Variants in ENTREP2 observed in about 807,000 individuals in gnomAD.
The protein encoded by ENTREP2 is endosomal transmembrane epsin interactor 2, also known as protein ENTREP2.
the ENTREP2 span, among the ~76,000 whole-genome samples, chr15:29,657,789 C>T: frequency 1.3e-5 from 2 of 152,080 alleles, no homozygotes; most frequent in African/African-American, 4.8e-5. Flanking sequence ...CCAGGAAGTC[C>T]AACTGGCCTC....
chr15:29,235,548 A>G, the ENTREP2 span, among the ~76,000 whole-genome samples: 12 of 152,234 alleles, frequency 7.9e-5, no homozygotes, highest in Non-Finnish European at 1.8e-4. Context: ...GACACAAAAC[A>G]TATCAAAATA....
At chr15:29,433,749 C>T in the ENTREP2 span, among the ~76,000 whole-genome samples, 26 of 146,588 alleles carry the variant, frequency 1.8e-4, no homozygotes, top group African/African-American at 6.6e-4. Context: ...GTCTCAAGGT[C>T]TCTCAGACAC....
chr15:29,349,602 T>C, the ENTREP2 span, among the ~76,000 whole-genome samples: 1 of 152,164 alleles, frequency 6.6e-6, no homozygotes, highest in Admixed American at 6.6e-5. Flanking sequence ...ACCCAACTAA[T>C]TCATAGCAAG....
chr15:29,393,081 C>A, the ENTREP2 span, among the ~76,000 whole-genome samples: 1 of 152,162 alleles, frequency 6.6e-6, no homozygotes, highest in African/African-American at 2.4e-5. Flanking sequence ...TTGATAATTT[C>A]TTTAAATGTT....
chr15:29,178,937 G>A, the ENTREP2 span, among the ~76,000 whole-genome samples: 7 of 152,180 alleles, frequency 4.6e-5, 1 homozygote, highest in Admixed American at 4.6e-4. Context: ...TGTGTCTTGA[G>A]AAGGGCAAGA....
the ENTREP2 span, among the ~76,000 whole-genome samples, chr15:29,404,331 G>A: frequency 2.0e-5 from 3 of 151,960 alleles, 1 homozygote; most frequent in Non-Finnish European, 4.4e-5. Flanking sequence ...CTGGTGACAT[G>A]AAGGGAACCC....
chr15:29,165,167 C>T, the ENTREP2 span, among the ~76,000 whole-genome samples: 1 of 152,008 alleles, frequency 6.6e-6, no homozygotes, highest in Non-Finnish European at 1.5e-5. Context: ...GGGATATAAG[C>T]AGAGGTGGTG....
At chr15:29,428,511 A>T in the ENTREP2 span, among the ~76,000 whole-genome samples, 2 of 152,068 alleles carry the variant, frequency 1.3e-5, no homozygotes, top group Non-Finnish European at 2.9e-5. Context: ...CACCGTGCCC[A>T]GCCACTTCCA....
At chr15:29,546,405 T>C in the ENTREP2 span, among the ~76,000 whole-genome samples, 25 of 150,840 alleles carry the variant, frequency 1.7e-4, no homozygotes, top group Non-Finnish European at 3.2e-4. Context: ...CTACTGGGAG[T>C]AGAAACCAAC....
the ENTREP2 span, among the ~76,000 whole-genome samples, chr15:29,181,012 T>C: frequency 6.6e-6 from 1 of 151,664 alleles, no homozygotes; most frequent in Non-Finnish European, 1.5e-5. Context: ...TCAATAAATA[T>C]TAAGCTGGTT....
At chr15:29,155,092 C>G in the ENTREP2 span, among the ~76,000 whole-genome samples, 1 of 150,640 alleles carries the variant, frequency 6.6e-6, no homozygotes, top group Non-Finnish European at 1.5e-5. Context: ...ACCATCCTGG[C>G]TAACACGGTG....
the ENTREP2 span, among the ~76,000 whole-genome samples, chr15:29,384,942 A>T: frequency 6.6e-6 from 1 of 152,158 alleles, no homozygotes; most frequent in Non-Finnish European, 1.5e-5. Flanking sequence ...GTGAGAAGAA[A>T]CATCCCCTAG....
At chr15:29,179,433 T>A in the ENTREP2 span, among the ~76,000 whole-genome samples, 1 of 152,220 alleles carries the variant, frequency 6.6e-6, no homozygotes, top group Non-Finnish European at 1.5e-5. Context: ...TTCCATGGTC[T>A]GAGCAATGGG....
the ENTREP2 span, among the ~76,000 whole-genome samples, chr15:29,436,352 T>TG: frequency 6.6e-6 from 1 of 152,224 alleles, no homozygotes; most frequent in Non-Finnish European, 1.5e-5. Context: ...CCAGAGGACA[T>TG]GGACTTCCTG....
the ENTREP2 span, among the ~76,000 whole-genome samples, chr15:29,422,440 C>A: frequency 6.6e-6 from 1 of 152,102 alleles, no homozygotes; most frequent in African/African-American, 2.4e-5. Context: ...AATTACAGAG[C>A]AGAAAGAAAG....
At chr15:29,594,837 C>T in the ENTREP2 span, among the ~76,000 whole-genome samples, 2 of 151,734 alleles carry the variant, frequency 1.3e-5, no homozygotes, top group Admixed American at 6.6e-5. Context: ...GAGGCCGAGG[C>T]GGGCGGATCA....
chr15:29,245,537 A>G, the ENTREP2 span, among the ~76,000 whole-genome samples: 1 of 151,818 alleles, frequency 6.6e-6, no homozygotes, highest in Non-Finnish European at 1.5e-5. Context: ...AAAGATGCAT[A>G]ACAAACTATT....
chr15:29,587,980 T>C, the ENTREP2 span, among the ~76,000 whole-genome samples: 5 of 152,194 alleles, frequency 3.3e-5, no homozygotes, highest in East Asian at 9.6e-4. Flanking sequence ...TTTGTAATAA[T>C]ACTGCAAACA....
chr15:29,534,106 CAAA>C, the ENTREP2 span, among the ~76,000 whole-genome samples: 2,552 of 44,908 alleles, frequency 0.057, 41 homozygotes, highest in African/African-American at 0.19. Flanking sequence ...GCCCCTTGGC[CAAA>C]AAAAAAAAAA....
Sources: gnomAD v4.1 joint callset for allele counts (sites outside exome capture counted in the v4.1 genomes callset) on GRCh38, gnomAD v4.1.1 for gene constraint, MANE v1.5 for transcripts, NCBI Gene and HGNC (gene_info 2026-07-23, HGNC 2026-07-21) for gene names.